GRM1: variants seen among roughly 807,000 people sequenced by gnomAD.
GRM1 encodes glutamate metabotropic receptor 1, also known as metabotropic glutamate receptor 1.
A neutral mutation model predicts 90.9 loss-of-function variants in GRM1; 33 were observed. The ratio of observed to expected loss-of-function variants is 0.36; its 90% confidence interval spans 0.28 to 0.49. GRM1 has a LOEUF of 0.49. GRM1 is among the 20% of genes least tolerant of loss of function. GRM1 has a pLI of 0.99. For synonymous variants in GRM1, 700 were observed against 613.2 expected (o/e 1.14, Z -2.09); for missense variants, 1,190 against 1,534.3 (o/e 0.78, Z 3.75).
chr6:146,336,155 A>C (rs913790491), intron 3 of GRM1, among the ~76,000 whole-genome samples: 3 of 152,162 alleles, frequency 2.0e-5, no homozygotes, highest in South Asian at 2.1e-4. Context: ...ATCAGTTTGG[A>C]TGTGGAGTGG....
chr6:146,140,552 A>G (rs1776836585), intron 1 of GRM1, among the ~76,000 whole-genome samples: 1 of 152,174 alleles, frequency 6.6e-6, no homozygotes, highest in Non-Finnish European at 1.5e-5. Context: ...TATAGGCATG[A>G]GCCGCCACAC....
At chr6:146,346,110 T>G (rs1269303339) in intron 3 of GRM1, among the ~76,000 whole-genome samples, 1 of 152,220 alleles carries the variant, frequency 6.6e-6, no homozygotes, top group East Asian at 1.9e-4. Flanking sequence ...TTATTTGTTT[T>G]CCAGATACAC....
intron 1 of GRM1, among the ~76,000 whole-genome samples, chr6:146,145,015 A>G (rs944346477): frequency 3.9e-5 from 6 of 152,254 alleles, no homozygotes; most frequent in Non-Finnish European, 8.8e-5. Context: ...GGAAAGTCCA[A>G]CTTAAGAGTA....
chr6:146,288,591 C>T (rs576089207), intron 2 of GRM1, among the ~76,000 whole-genome samples: 12 of 152,198 alleles, frequency 7.9e-5, no homozygotes, highest in African/African-American at 1.9e-4. Flanking sequence ...CTGCAACCTC[C>T]GCCTCCTGGG....
chr6:146,265,820 G>T (rs1016978772), intron 2 of GRM1, among the ~76,000 whole-genome samples: 2 of 152,138 alleles, frequency 1.3e-5, no homozygotes, highest in African/African-American at 4.8e-5. Flanking sequence ...AACCATCATT[G>T]TATGTGGCTT....
At chr6:146,423,278 C>T (rs1778068536) in intron 7 of GRM1, among the ~76,000 whole-genome samples, 1 of 152,230 alleles carries the variant, frequency 6.6e-6, no homozygotes, top group Non-Finnish European at 1.5e-5. Context: ...CAACCTCTTT[C>T]TCTCAGTTTT....
chr6:146,409,796 C>A (rs761294011), intron 7 of GRM1, among the ~76,000 whole-genome samples: 8 of 152,138 alleles, frequency 5.3e-5, no homozygotes, highest in Admixed American at 2.6e-4. Flanking sequence ...TAACTGAAGG[C>A]AACTTAATAC....
At chr6:146,237,006 G>GT (rs1362458169) in intron 2 of GRM1, among the ~76,000 whole-genome samples, 20 of 152,086 alleles carry the variant, frequency 1.3e-4, no homozygotes, top group Admixed American at 1.3e-3. Context: ...CTCAATTTTA[G>GT]TAAAATTTGT....
At chr6:146,292,469 A>G (rs1396577572) in intron 2 of GRM1, among the ~76,000 whole-genome samples, 1 of 152,018 alleles carries the variant, frequency 6.6e-6, no homozygotes, top group Non-Finnish European at 1.5e-5. Flanking sequence ...AAGGCCACAA[A>G]TAGACATTTC....
intron 2 of GRM1, among the ~76,000 whole-genome samples, chr6:146,271,083 C>A (rs563374863): frequency 1.1e-4 from 17 of 151,648 alleles, no homozygotes; most frequent in Middle Eastern, 3.4e-3. Flanking sequence ...CAGCTCACTG[C>A]AACCTTCACC....
At chr6:146,220,339 A>G (rs1049593772) in intron 2 of GRM1, among the ~76,000 whole-genome samples, 3 of 152,028 alleles carry the variant, frequency 2.0e-5, no homozygotes, top group Non-Finnish European at 2.9e-5. Flanking sequence ...TTTTTAAGAA[A>G]TTTTTTTCAC....
chr6:146,274,467 AT>A (rs1233423942), intron 2 of GRM1, among the ~76,000 whole-genome samples: 1 of 152,184 alleles, frequency 6.6e-6, no homozygotes, highest in African/African-American at 2.4e-5. Context: ...ATAACATCTA[AT>A]TTAGTTCCAA....
chr6:146,399,690 G>A lies in GRM1; in HGVS notation c.2651G>A (p.Gly884Glu), dbSNP rs362936. The A allele has an allele frequency of 0.017, 27,014 of 1,607,602 alleles. 331 individuals carry two copies. Among genetic ancestry groups the A allele is most frequent in the Non-Finnish European group, 0.019 (22,217 of 1,177,178 alleles). The change falls in exon 7 of 8, where the codon GGG becomes GAG. Residue 884 changes from glycine to glutamate, a missense_variant. Around this residue, in one of 10 missense-constraint regions of GRM1, gnomAD observed 400 missense variants for 360.8 expected, o/e 1.11. Transcript: ENST00000282753. The surrounding 1 kb of genome is among the most constrained non-coding windows in gnomAD (Gnocchi z 5.4). Reference sequence around the variant, plus strand: ...TTCCGAAGAAAGAAGGCAGGGGCAGGGAATGCCAAGTGAGTTATCTGACCT... The same window carrying A: ...TTCCGAAGAAAGAAGGCAGGGGCAGAGAATGCCAAGTGAGTTATCTGACCT... ...NIFRRKKAGA[G>E]NANSNGKSVS... is the part of the protein sequence containing the mutation.
At chr6:146,235,706 G>A (rs1350132027) in intron 2 of GRM1, among the ~76,000 whole-genome samples, 1 of 131,104 alleles carries the variant, frequency 7.6e-6, no homozygotes, top group Non-Finnish European at 1.7e-5. Context: ...GTTACCGTGT[G>A]TGTGTGTGTG....
At chr6:146,171,835 C>T in intron 2 of GRM1, 1 of 265,230 alleles carries the variant, frequency 3.8e-6, no homozygotes, top group Non-Finnish European at 7.9e-6. Context: ...TTCTGCTTGG[C>T]ATGGCATCAT....
At chr6:146,127,670 A>G (rs1165773607) in intron 1 of GRM1, among the ~76,000 whole-genome samples, 2 of 152,176 alleles carry the variant, frequency 1.3e-5, no homozygotes, top group African/African-American at 4.8e-5. Context: ...GAAATCAGAA[A>G]ATCTGGGTCT....
In GRM1 at chr6:146,399,579, G is replaced by A; in HGVS notation, c.2540G>A (p.Arg847His). 6.2e-7 allele frequency: 1 copy of A among 1,613,954 alleles called. No individual in the cohort carries two copies. Among genetic ancestry groups the A allele is most frequent in the Non-Finnish European group, 8.5e-7 (1 of 1,179,826 alleles). ...IIIAKPERNV[R>H]SAFTTSDVVR... ...ATTGCCAAGCCTGAGAGGAATGTCC[G>A]CAGTGCCTTCACCACCTCTGATGTT... Residue 847 changes from arginine to histidine, a missense_variant, in exon 7 of 8, where the codon CGC becomes CAC. Around this residue, in one of 10 missense-constraint regions of GRM1, gnomAD observed 73 missense variants for 150.6 expected, o/e 0.48. Transcript: ENST00000282753. This position sits in a 1 kb window ranked among gnomAD's most constrained non-coding sequence, Gnocchi z 5.4.
At chr6:146,198,420 T>C (rs1252557912) in intron 2 of GRM1, among the ~76,000 whole-genome samples, 1 of 152,154 alleles carries the variant, frequency 6.6e-6, no homozygotes, top group Non-Finnish European at 1.5e-5. Context: ...ATAAAAAATA[T>C]TTTTAATTTA....
chr6:146,367,460 G>T (rs1775735133), intron 5 of GRM1, among the ~76,000 whole-genome samples: 1 of 151,838 alleles, frequency 6.6e-6, no homozygotes, highest in Admixed American at 6.6e-5. Context: ...CTTCCCAGAG[G>T]GTACAGTTTT....
Sources: allele counts gnomAD v4.1 joint callset (sites outside exome capture counted in the v4.1 genomes callset), GRCh38; gene constraint gnomAD v4.1.1; regional missense constraint gnomAD v4.1.1; non-coding constraint Gnocchi (gnomAD v3.1); transcripts MANE v1.5; gene names NCBI Gene and HGNC (gene_info 2026-07-23, HGNC 2026-07-21).